Variants in WWP1 observed in about 807,000 individuals in gnomAD.
WWP1 encodes the protein NEDD4-like E3 ubiquitin-protein ligase WWP1.
Under a neutral mutation model 130.6 loss-of-function variants are expected in WWP1, and 49 were observed. That is an observed-to-expected ratio of 0.38 (90% CI 0.30 to 0.48). The LOEUF (loss-of-function observed/expected upper bound fraction) is 0.48. WWP1 is among the 20% of genes least tolerant of loss of function. The probability of loss-of-function intolerance (pLI) is 0.99; values close to 1 mark genes in which losing one functional copy is unlikely to be tolerated. For synonymous variants in WWP1, 332 were observed against 367.8 expected, an observed-to-expected ratio of 0.90 and a Z score of 1.11; for missense variants, 809 against 1,100.6, an observed-to-expected ratio of 0.74 and a Z score of 3.75.
At chr8:86,356,770 G>C (rs1823281721) in intron 1 of WWP1, among the ~76,000 whole-genome samples, 1 of 152,284 alleles carries the variant, frequency 6.6e-6, no homozygotes, top group Non-Finnish European at 1.5e-5. Flanking sequence ...TCCTGCAATG[G>C]AGGAAAGCTG....
At chr8:86,391,766 A>G (rs1350317147) in intron 5 of WWP1, among the ~76,000 whole-genome samples, 6 of 152,270 alleles carry the variant, frequency 3.9e-5, no homozygotes, top group Middle Eastern at 3.4e-3. Context: ...TGTAAATGCA[A>G]TTAGGCCCTT....
chr8:86,452,704 G>A, intron 21 of WWP1, 25 bp downstream of exon 21: 5 of 1,609,142 alleles, frequency 3.1e-6, no homozygotes, highest in Non-Finnish European at 4.2e-6. Flanking sequence ...TTATGCTATT[G>A]TAGGGAATGT....
At chr8:86,426,453 T>G in intron 10 of WWP1, among the ~76,000 whole-genome samples, 1 of 152,324 alleles carries the variant, frequency 6.6e-6, no homozygotes, top group East Asian at 1.9e-4. Flanking sequence ...ATCCTACATG[T>G]GTAGAACAGG....
chr8:86,345,224 A>T (rs1822502766), intron 1 of WWP1, among the ~76,000 whole-genome samples: 1 of 152,228 alleles, frequency 6.6e-6, no homozygotes, highest in Non-Finnish European at 1.5e-5. Flanking sequence ...ATTTTGAGCA[A>T]GATCATGAAG....
At chr8:86,461,365 T>C in intron 23 of WWP1, 45 bp downstream of exon 23, 4 of 1,508,654 alleles carry the variant, frequency 2.7e-6, no homozygotes, top group Non-Finnish European at 3.7e-6. Flanking sequence ...AATTTTGTGA[T>C]AATAATGGCC....
intron 5 of WWP1, 150 bp from the exon 6 acceptor site, chr8:86,398,192 G>A (rs937527797): frequency 5.0e-6 from 4 of 801,968 alleles, no homozygotes; most frequent in Admixed American, 2.6e-5. Context: ...GGGGGAAAGA[G>A]GAATTACTTA....
At chr8:86,384,947 C>G (rs1825192944) in intron 5 of WWP1, among the ~76,000 whole-genome samples, 1 of 151,784 alleles carries the variant, frequency 6.6e-6, no homozygotes, top group Non-Finnish European at 1.5e-5. Context: ...TCGCTTGAGC[C>G]TGGGAGGTGG....
At chr8:86,371,160 G>T (rs1417774147) in intron 2 of WWP1, among the ~76,000 whole-genome samples, 1 of 150,984 alleles carries the variant, frequency 6.6e-6, no homozygotes, top group African/African-American at 2.4e-5. Flanking sequence ...GCCTCCCAAA[G>T]CACTGGAATT....
chr8:86,412,920 C>A (rs572956488), intron 9 of WWP1, among the ~76,000 whole-genome samples: 99 of 152,250 alleles, frequency 6.5e-4, no homozygotes, highest in South Asian at 2.5e-3. Flanking sequence ...CTTCCGCCTC[C>A]CAGGTTCAAG....
intron 24 of WWP1, among the ~76,000 whole-genome samples, chr8:86,462,909 G>A (rs915463352): frequency 1.6e-4 from 24 of 151,666 alleles, no homozygotes; most frequent in African/African-American, 5.6e-4. Flanking sequence ...AGGCAAGTTC[G>A]TTGAAGTTCT....
Position 86,379,314 on chromosome 8 carries a change from A to C in WWP1, c.71-1412A>C, listed in dbSNP as rs146788865. On this transcript the variant is annotated intron_variant, in intron 3 of 24. Transcript: ENST00000517970. ...TAACATTGAACACTCTTTAATTGCT[A>C]TGTTGCCGGTACTTAAATATAGTAT... 5.3e-5 allele frequency among the ~76,000 whole-genome samples: 8 copies of C among 152,276 alleles called. No homozygotes were observed. In the East Asian group the frequency reaches 1.4e-3, roughly 26 times the overall value.
chr8:86,442,562 C>A, intron 17 of WWP1, 57 bp from the exon 18 acceptor site: 1 of 1,448,958 alleles, frequency 6.9e-7, no homozygotes, highest in Middle Eastern at 2.5e-4. Flanking sequence ...TATTTAAGAT[C>A]TGTTTTTAAA....
chr8:86,393,794 G>A (rs1807487462), intron 5 of WWP1, among the ~76,000 whole-genome samples: 1 of 152,160 alleles, frequency 6.6e-6, no homozygotes, highest in African/African-American at 2.4e-5. Context: ...TACCTTCTGG[G>A]TTCCAACACC....
At chr8:86,420,467 G>T (rs1809139765) in intron 9 of WWP1, among the ~76,000 whole-genome samples, 2 of 152,132 alleles carry the variant, frequency 1.3e-5, no homozygotes, top group South Asian at 4.1e-4. Flanking sequence ...GTAAGGGAAG[G>T]TACAACATAT....
At chr8:86,402,226 C>A in intron 8 of WWP1, 23 bp downstream of exon 8, 1 of 1,604,978 alleles carries the variant, frequency 6.2e-7, no homozygotes. Flanking sequence ...ATTTATGACA[C>A]CTTGTTTAAA....
intron 11 of WWP1, among the ~76,000 whole-genome samples, chr8:86,428,094 TA>T (rs1485695691): frequency 6.6e-6 from 1 of 152,178 alleles, no homozygotes; most frequent in African/African-American, 2.4e-5. Flanking sequence ...ATGCATTTCT[TA>T]ACAAAATAAT....
chr8:86,449,490 T>G (rs992122673), intron 20 of WWP1, among the ~76,000 whole-genome samples: 1 of 152,248 alleles, frequency 6.6e-6, no homozygotes, highest in African/African-American at 2.4e-5. Context: ...TGTATAATTT[T>G]CATGTCCCAA....
chr8:86,411,629 T>C lies in WWP1; in HGVS notation c.816T>C (p.Asn272=), dbSNP rs778086010. 6.2e-7 allele frequency: 1 copy of C among 1,614,174 alleles called. No homozygotes were observed. Among genetic ancestry groups the C allele is most frequent in the Admixed American group, 1.7e-5 (1 of 60,024 alleles). ...VVSEENALSP[N]CTSTTVEDPP... ...CTGAAGAAAATGCCTTGTCTCCAAA[T>C]TGCACTAGTACTACTGTTGAAGATC... Residue 272 remains asparagine, a synonymous_variant, in exon 9 of 25, where the codon AAT becomes AAC. Transcript: ENST00000517970.
At chr8:86,346,782 A>G (rs968638351) in intron 1 of WWP1, among the ~76,000 whole-genome samples, 25 of 152,194 alleles carry the variant, frequency 1.6e-4, no homozygotes, top group African/African-American at 5.1e-4. Context: ...TGCCCTTTAT[A>G]GTGGTATCCA....
Sources: gnomAD v4.1 joint callset for allele counts (sites outside exome capture counted in the v4.1 genomes callset) on GRCh38, gnomAD v4.1.1 for gene constraint, MANE v1.5 for transcripts, NCBI Gene and HGNC (gene_info 2026-07-23, HGNC 2026-07-21) for gene names.